MIB1: variants seen among roughly 807,000 people sequenced by gnomAD.
MIB1 encodes E3 ubiquitin-protein ligase MIB1.
A neutral mutation model predicts 124.5 loss-of-function variants in MIB1; 278 were observed. That is an observed-to-expected ratio of 2.23 (90% CI 2.02 to 2.47). The LOEUF (loss-of-function observed/expected upper bound fraction) is 2.47, where lower values mean the gene tolerates loss of function less well. Among genes scored for constraint, MIB1 ranks in the 30% most tolerant of loss-of-function variants. The pLI is 0.00. For missense variants in MIB1, 957 were observed against 1,254.4 expected (o/e 0.76, Z 3.58); for synonymous variants, 446 against 429.4 (o/e 1.04, Z -0.48).
chr18:21,765,732 AATT>A (rs768833397), intron 1 of MIB1, 37 bp from the exon 2 acceptor site: 1 of 1,566,470 alleles, frequency 6.4e-7, no homozygotes, highest in Non-Finnish European at 8.7e-7. Flanking sequence ...AAATAAATAA[AATT>A]TGTGATTAAT....
chr18:21,828,251 T>G (rs1468560286), intron 12 of MIB1: 1 of 151,940 alleles, frequency 6.6e-6, no homozygotes, highest in Non-Finnish European at 1.5e-5. Context: ...ATAAATTAAT[T>G]TCTTTTAAAT....
intron 3 of MIB1, among the ~76,000 whole-genome samples, chr18:21,771,440 T>A (rs180687412): frequency 1.3e-5 from 2 of 152,368 alleles, no homozygotes; most frequent in East Asian, 3.9e-4. Flanking sequence ...ACAAATGAAG[T>A]TGAATCTGAA....
At position 21,773,675 on chromosome 18, in the gene MIB1, G is replaced by T. The variant is rs1367284712; in HGVS notation, c.583G>T (p.Val195Phe). Residue 195 changes from valine to phenylalanine, a missense_variant, in exon 4 of 21, where the codon GTC becomes TTC. By Grantham distance (50) the Val-to-Phe change is conservative (BLOSUM62 -1). Transcript: ENST00000261537. ...ATCAAGCCCACATAGCGCAGCATAT[G>T]TCCTCTGGGATAATGGTGCTAAGAA... ...SASSPHSAAY[V>F]LWDNGAKNLY... 1 of 1,609,362 alleles carries T rather than the reference G, an allele frequency of 6.2e-7. No individual in the cohort carries two copies. Among genetic ancestry groups the T allele is most frequent in the Non-Finnish European group, 8.5e-7 (1 of 1,178,100 alleles).
intron 1 of MIB1, among the ~76,000 whole-genome samples, chr18:21,716,420 A>G (rs1425018102): frequency 1.3e-5 from 2 of 152,228 alleles, no homozygotes; most frequent in Non-Finnish European, 1.5e-5. Flanking sequence ...TCTTTAAAGC[A>G]TAAATCTTAC....
At chr18:21,851,119 A>C (rs187681293) in intron 17 of MIB1, among the ~76,000 whole-genome samples, 1 of 152,330 alleles carries the variant, frequency 6.6e-6, no homozygotes, top group Non-Finnish European at 1.5e-5. Flanking sequence ...TCTGGTTGTC[A>C]GAAGCAGAGT....
chr18:21,780,284 A>G (rs1296212161), intron 6 of MIB1, among the ~76,000 whole-genome samples: 1 of 152,214 alleles, frequency 6.6e-6, no homozygotes, highest in Non-Finnish European at 1.5e-5. Context: ...GAACTATACA[A>G]GTTGTTAACT....
chr18:21,854,381 C>T (rs1440219755), intron 18 of MIB1, among the ~76,000 whole-genome samples: 1 of 152,150 alleles, frequency 6.6e-6, no homozygotes, highest in African/African-American at 2.4e-5. Flanking sequence ...AATAAATGGG[C>T]CTGACTGTGT....
intron 1 of MIB1, among the ~76,000 whole-genome samples, chr18:21,725,545 C>A (rs78888000): frequency 3.3e-5 from 5 of 152,182 alleles, no homozygotes; most frequent in Admixed American, 3.3e-4. Flanking sequence ...CAGGGTTTGA[C>A]AGCCAAGTCG....
At chr18:21,724,955 C>T (rs1409169161) in intron 1 of MIB1, among the ~76,000 whole-genome samples, 2 of 147,306 alleles carry the variant, frequency 1.4e-5, no homozygotes, top group East Asian at 2.0e-4. Flanking sequence ...ATTAGCTGGG[C>T]ATGGTTGCGG....
rs2042312064 is a variant in MIB1, at chr18:21,865,303, A to G, written c.*637A>G. ...TCTCTTGTTTTCTAGATTCAAAAGG[A>G]ACATTGTTTAACTTGAATCAGATTA... On this transcript the variant is annotated 3_prime_UTR_variant, in exon 21 of 21. Coordinates refer to ENST00000261537, the MANE Select transcript of MIB1 (RefSeq NM_020774.4). The G allele has an allele frequency of 6.6e-6, 1 of 152,194 alleles. No homozygotes were observed. The highest frequency in any genetic ancestry group is 1.5e-5 in the Non-Finnish European group (1 of 68,028). The allele number at this position is 152,194 out of a possible 1,614,324, so 9.4% of individuals were successfully genotyped here.
At chr18:21,718,439 C>T (rs1298514636) in intron 1 of MIB1, among the ~76,000 whole-genome samples, 1 of 152,168 alleles carries the variant, frequency 6.6e-6, no homozygotes, top group African/African-American at 2.4e-5. Flanking sequence ...GGTCAGCTCC[C>T]ACTGTTTCTG....
intron 1 of MIB1, among the ~76,000 whole-genome samples, chr18:21,753,047 A>G (rs1225429383): frequency 1.3e-5 from 2 of 152,164 alleles, no homozygotes; most frequent in African/African-American, 2.4e-5. Flanking sequence ...CCCTACCCCA[A>G]TACTGTGCTT....
chr18:21,834,371 A>C (rs1598634106), intron 12 of MIB1, among the ~76,000 whole-genome samples: 1 of 152,166 alleles, frequency 6.6e-6, no homozygotes, highest in East Asian at 1.9e-4. Context: ...CTGTTCAAAT[A>C]ATTTATGTAG....
intron 6 of MIB1, among the ~76,000 whole-genome samples, chr18:21,786,452 A>G (rs936276379): frequency 1.3e-5 from 2 of 152,106 alleles, no homozygotes; most frequent in East Asian, 1.9e-4. Context: ...CTTGCTGTAC[A>G]TTGATATTTA....
chr18:21,817,823 A>C (rs2041843546), intron 11 of MIB1: 1 of 249,652 alleles, frequency 4.0e-6, no homozygotes, highest in African/African-American at 2.3e-5. Flanking sequence ...CATGCAGGAA[A>C]TATGTCTAGT....
At position 21,779,552 on chromosome 18, in the gene MIB1, G is replaced by A. The variant is rs1235146165; in HGVS notation, c.775G>A (p.Glu259Lys). 6.2e-7 allele frequency: 1 copy of A among 1,614,036 alleles called. No individual in the cohort carries two copies. Among genetic ancestry groups the A allele is most frequent in the Non-Finnish European group, 8.5e-7 (1 of 1,179,966 alleles). ...CCTGGTAAATATAGATCTCGACCTC[G>A]AAATTGTACAGTCTTTGCAGCATGG... ...GDLVNIDLDL[E>K]IVQSLQHGHG... Residue 259 changes from glutamate to lysine, a missense_variant, in exon 6 of 21, where the codon GAA becomes AAA. Physicochemically the swap from Glu to Lys is moderately conservative, Grantham distance 56. Coordinates refer to ENST00000261537, the MANE Select transcript of MIB1 (RefSeq NM_020774.4).
intron 6 of MIB1, among the ~76,000 whole-genome samples, chr18:21,782,878 T>A (rs912436862): frequency 1.7e-4 from 26 of 152,198 alleles, no homozygotes; most frequent in Non-Finnish European, 2.5e-4. Context: ...TGTTGAAATG[T>A]CCCCTACTGT....
chr18:21,765,521 C>T (rs1276511591), intron 1 of MIB1, among the ~76,000 whole-genome samples: 2 of 151,998 alleles, frequency 1.3e-5, no homozygotes, highest in Non-Finnish European at 2.9e-5. Context: ...TGGATGAGAG[C>T]GAGGAAAGAG....
chr18:21,785,933 G>A (rs2041429630), intron 6 of MIB1, among the ~76,000 whole-genome samples: 1 of 152,060 alleles, frequency 6.6e-6, no homozygotes, highest in South Asian at 2.1e-4. Context: ...ATGTCATCTT[G>A]CTCTCTCCTG....
Sources: gnomAD v4.1 joint callset for allele counts (sites outside exome capture counted in the v4.1 genomes callset) on GRCh38, gnomAD v4.1.1 for gene constraint, MANE v1.5 for transcripts, NCBI Gene and HGNC (gene_info 2026-07-23, HGNC 2026-07-21) for gene names.